The following ADAMTS20 variants were observed in gnomAD, a reference collection of about 807,000 sequenced individuals.
The protein encoded by ADAMTS20 is A disintegrin and metalloproteinase with thrombospondin motifs 20.
A neutral mutation model predicts 260.1 loss-of-function variants in ADAMTS20; 225 were observed. That is an observed-to-expected ratio of 0.87 (90% CI 0.78 to 0.97). The LOEUF (loss-of-function observed/expected upper bound fraction) is 0.97, where lower values mean the gene tolerates loss of function less well. ADAMTS20 is among the 50% of genes least tolerant of loss of function. The pLI is 0.00. For missense variants in ADAMTS20, 2,400 were observed against 2,337.7 expected, an observed-to-expected ratio of 1.03 and a Z score of -0.55; for synonymous variants, 802 against 769.5, an observed-to-expected ratio of 1.04 and a Z score of -0.70.
intron 3 of ADAMTS20, among the ~76,000 whole-genome samples, chr12:43,530,578 TCA>T (rs1246953256): frequency 6.6e-6 from 1 of 152,154 alleles, no homozygotes; most frequent in Non-Finnish European, 1.5e-5. Context: ...ACAGATGGCA[TCA>T]CAGTGTTTGG....
intron 28 of ADAMTS20, among the ~76,000 whole-genome samples, chr12:43,410,894 T>C (rs1172186637): frequency 2.0e-5 from 3 of 152,220 alleles, no homozygotes; most frequent in East Asian, 3.9e-4. Context: ...CCTCCAACTT[T>C]AGGAAGTTTC....
chr12:43,430,352 C>T lies in ADAMTS20; in HGVS notation c.3381G>A (p.Gln1127=), dbSNP rs1215173305. The T allele has an allele frequency of 1.9e-6, 3 of 1,610,194 alleles. No individual in the cohort carries two copies. The highest frequency in any genetic ancestry group is 1.7e-5 in the Admixed American group (1 of 59,532). ...GTTTGTAAACCATGATTCTTTTTACCTGTCTGTCACTGGGGCGACTAGCTT... is the reference window on the plus strand; with the variant it reads ...GTTTGTAAACCATGATTCTTTTTACTTGTCTGTCACTGGGGCGACTAGCTT... ...CHEASRPSDR[Q]SCVLTPCSFI... is the part of the protein sequence containing the mutation. The change falls in exon 23 of 39, where the codon CAG becomes CAA. Residue 1127 remains glutamine, a splice_region_variant and synonymous_variant. Coordinates refer to ENST00000389420, the MANE Select transcript of ADAMTS20 (RefSeq NM_025003.5).
At chr12:43,356,615 A>C in intron 37 of ADAMTS20, 27 bp from the exon 38 acceptor site, 1 of 1,499,272 alleles carries the variant, frequency 6.7e-7, no homozygotes, top group Non-Finnish European at 9.2e-7. Context: ...ACAAAGAAAA[A>C]TAGATGGAAT....
chr12:43,363,328 G>C (rs1160756976), intron 37 of ADAMTS20, among the ~76,000 whole-genome samples: 1 of 152,176 alleles, frequency 6.6e-6, no homozygotes, highest in African/African-American at 2.4e-5. Flanking sequence ...GTAGCTGAGA[G>C]TCTGAAGCTC....
At chr12:43,412,027 A>G (rs1473980547) in intron 28 of ADAMTS20, among the ~76,000 whole-genome samples, 1 of 152,212 alleles carries the variant, frequency 6.6e-6, no homozygotes, top group African/African-American at 2.4e-5. Context: ...TTTGAATAAA[A>G]TGATGAAATT....
At chr12:43,422,748 CTAAA>C (rs1217676876) in intron 28 of ADAMTS20, 1 of 151,968 alleles carries the variant, frequency 6.6e-6, no homozygotes, top group Non-Finnish European at 1.5e-5. Flanking sequence ...TGTAATAACA[CTAAA>C]TAATTCTGCA....
chr12:43,547,075 T>C (rs749203148), intron 2 of ADAMTS20, among the ~76,000 whole-genome samples: 2 of 152,166 alleles, frequency 1.3e-5, no homozygotes, highest in Non-Finnish European at 2.9e-5. Flanking sequence ...TTTAACCATA[T>C]AGAAATTAAA....
chr12:43,551,382 G>A lies in ADAMTS20; in HGVS notation c.92-112C>T, dbSNP rs769367491. On this transcript the variant is annotated intron_variant, in intron 1 of 38. Coordinates refer to ENST00000389420, the MANE Select transcript of ADAMTS20 (RefSeq NM_025003.5). This position sits in a 1 kb window ranked among gnomAD's most constrained non-coding sequence, Gnocchi z 4.6. ...AGGTCCCAGGTCCCAGTACAGCCAG[G>A]GGCAAGACAAATGCACACATGCTGA... 57 of 1,444,060 alleles carry A rather than the reference G, an allele frequency of 3.9e-5. No homozygotes were observed. Among genetic ancestry groups the A allele is most frequent in the Non-Finnish European group, 4.6e-5 (50 of 1,089,684 alleles). 89.5% of individuals were successfully genotyped at this position (1,444,060 alleles called of 1,614,324 possible). A position where few individuals can be genotyped will look rare whatever the true frequency, so the allele number is the denominator to read the frequency against.
At chr12:43,426,269 C>T (rs945994945) in intron 27 of ADAMTS20, among the ~76,000 whole-genome samples, 1 of 152,148 alleles carries the variant, frequency 6.6e-6, no homozygotes, top group Non-Finnish European at 1.5e-5. Flanking sequence ...GTTTGTATCT[C>T]TATTTGGACA....
intron 18 of ADAMTS20, among the ~76,000 whole-genome samples, chr12:43,436,927 G>A (rs1267001672): frequency 6.6e-6 from 1 of 152,180 alleles, no homozygotes; most frequent in Non-Finnish European, 1.5e-5. Context: ...AATGACATAT[G>A]AGAGGGCTAC....
chr12:43,381,019 T>C (rs939387660), intron 31 of ADAMTS20, among the ~76,000 whole-genome samples: 2 of 152,208 alleles, frequency 1.3e-5, no homozygotes, highest in African/African-American at 4.8e-5. Context: ...GACTACATGG[T>C]AATAATATAT....
At chr12:43,433,423 G>A (rs942778620) in intron 19 of ADAMTS20, among the ~76,000 whole-genome samples, 7 of 152,034 alleles carry the variant, frequency 4.6e-5, no homozygotes, top group Non-Finnish European at 7.4e-5. Flanking sequence ...ATTCATTTCC[G>A]TCCCTAATAG....
intron 2 of ADAMTS20, among the ~76,000 whole-genome samples, chr12:43,546,280 A>G (rs1341595426): frequency 1.3e-5 from 2 of 152,198 alleles, no homozygotes; most frequent in East Asian, 3.9e-4. Context: ...AAACTTCAAA[A>G]GTACACACAG....
chr12:43,423,491 G>A, intron 28 of ADAMTS20: 1 of 512,932 alleles, frequency 1.9e-6, no homozygotes, highest in Non-Finnish European at 3.4e-6. Flanking sequence ...TCTATGCTCA[G>A]AAACAAATGC....
intron 37 of ADAMTS20, among the ~76,000 whole-genome samples, chr12:43,359,363 T>C (rs560326163): frequency 6.6e-6 from 1 of 152,312 alleles, no homozygotes; most frequent in South Asian, 2.1e-4. Flanking sequence ...GACTGGTTGG[T>C]TCATGTGTGC....
At chr12:43,478,640 C>A (rs1028142027) in intron 7 of ADAMTS20, among the ~76,000 whole-genome samples, 6 of 152,054 alleles carry the variant, frequency 3.9e-5, no homozygotes, top group Admixed American at 6.6e-5. Context: ...AAAGACAGAT[C>A]ACCAAAAAAT....
At chr12:43,548,862 A>G (rs1290353858) in intron 2 of ADAMTS20, among the ~76,000 whole-genome samples, 3 of 152,124 alleles carry the variant, frequency 2.0e-5, no homozygotes, top group African/African-American at 7.2e-5. Flanking sequence ...GAGGTATGAA[A>G]AGAAACGTTT....
intron 2 of ADAMTS20, among the ~76,000 whole-genome samples, chr12:43,548,630 T>C (rs1358770855): frequency 2.0e-5 from 3 of 152,160 alleles, no homozygotes; most frequent in Non-Finnish European, 4.4e-5. Flanking sequence ...ATATCCGTTT[T>C]AGTGCTAATA....
At chr12:43,423,746 C>T (rs1314443744) in intron 28 of ADAMTS20, 2 of 702,338 alleles carry the variant, frequency 2.8e-6, no homozygotes, top group Non-Finnish European at 5.2e-6. Context: ...CTGTAAACTC[C>T]ATAGGGATAA....
Sources: gnomAD v4.1 joint callset for allele counts (sites outside exome capture counted in the v4.1 genomes callset) on GRCh38, gnomAD v4.1.1 for gene constraint, Gnocchi (gnomAD v3.1) non-coding constraint, MANE v1.5 for transcripts, NCBI Gene and HGNC (gene_info 2026-07-23, HGNC 2026-07-21) for gene names.